Variants in LIG1 observed in about 807,000 individuals in gnomAD.
The protein encoded by LIG1 is DNA ligase 1, also known as ligase I, DNA, ATP-dependent.
LIG1 carries 70 observed loss-of-function variants against 115.7 expected under a neutral mutation model. That is an observed-to-expected ratio of 0.60 (90% CI 0.50 to 0.74). The LOEUF (loss-of-function observed/expected upper bound fraction) is 0.74. Among genes scored for constraint, LIG1 ranks in the 30% least tolerant of loss-of-function variants. The pLI, the probability that LIG1 is intolerant of heterozygous loss-of-function variation, is 0.00. For missense variants in LIG1, 1,115 were observed against 1,225.6 expected (o/e 0.91, Z 1.35); for synonymous variants, 487 against 495.3 (o/e 0.98, Z 0.22).
chr19:48,162,857 C>T (rs1057220945), intron 2 of LIG1, among the ~76,000 whole-genome samples: 2 of 152,102 alleles, frequency 1.3e-5, no homozygotes, highest in Admixed American at 6.6e-5. Flanking sequence ...TCTGCCCTAA[C>T]GCACCTGCAA....
intron 11 of LIG1, among the ~76,000 whole-genome samples, chr19:48,141,536 G>A (rs538736151): frequency 7.2e-5 from 11 of 152,290 alleles, no homozygotes; most frequent in African/African-American, 2.4e-4. Context: ...GAAAGAGTCC[G>A]TGGCTTGCCC....
At chr19:48,161,185 C>A in intron 4 of LIG1, 187 bp downstream of exon 4, 1 of 756,620 alleles carries the variant, frequency 1.3e-6, no homozygotes, top group Non-Finnish European at 2.2e-6. Context: ...TGAAGGAGCC[C>A]ACCCGAGGTC....
intron 5 of LIG1, chr19:48,154,549 C>T (rs1042062767): frequency 2.2e-5 from 4 of 182,866 alleles, no homozygotes; most frequent in Non-Finnish European, 4.7e-5. Flanking sequence ...GTGTTGGCTG[C>T]TCCCCTGTCC....
At chr19:48,147,927 AG>A (rs1458416858) in intron 9 of LIG1, among the ~76,000 whole-genome samples, 1 of 152,214 alleles carries the variant, frequency 6.6e-6, no homozygotes, top group Non-Finnish European at 1.5e-5. Context: ...AAGAAGACTA[AG>A]AAGGCTGGGA....
intron 21 of LIG1, among the ~76,000 whole-genome samples, chr19:48,124,457 G>A (rs895125795): frequency 6.6e-6 from 1 of 152,170 alleles, no homozygotes; most frequent in Non-Finnish European, 1.5e-5. Flanking sequence ...GATCAGCTGA[G>A]CCCGTGCTAC....
rs776988432 is a variant in LIG1 at position 48,165,544 on chromosome 19, G to A, written c.17+6C>T. 3.1e-6 allele frequency: 5 copies of A among 1,607,648 alleles called. No homozygotes were observed. In the African/African-American group the frequency reaches 6.7e-5, roughly 22 times the overall value. ...GAAAGACTCAGGGGCAAGGGAGGGT[G>A]CTCACATGATACTTCGCTGCATGTT... is the stretch of plus-strand genomic sequence containing the variant. On this transcript the variant is annotated splice_donor_region_variant and intron_variant, in intron 2 of 27. Coordinates refer to ENST00000263274, the MANE Select transcript of LIG1 (RefSeq NM_000234.3).
chr19:48,138,095 A>G (rs1347986723), intron 12 of LIG1, among the ~76,000 whole-genome samples: 1 of 152,140 alleles, frequency 6.6e-6, no homozygotes, highest in Non-Finnish European at 1.5e-5. Flanking sequence ...GCAGTGACCA[A>G]AGACCCTTCG....
chr19:48,123,822 G>A (rs1350894010), intron 21 of LIG1, among the ~76,000 whole-genome samples: 3 of 150,042 alleles, frequency 2.0e-5, no homozygotes, highest in African/African-American at 7.4e-5. Flanking sequence ...ACAGGCGTGA[G>A]CCACTGCATC....
chr19:48,121,969 A>G (rs1294314904), intron 23 of LIG1, among the ~76,000 whole-genome samples: 1 of 152,196 alleles, frequency 6.6e-6, no homozygotes, highest in Non-Finnish European at 1.5e-5. Context: ...AGAAACGTTC[A>G]CTAAGTGCTA....
chr19:48,147,681 A>G (rs77515952), intron 9 of LIG1, among the ~76,000 whole-genome samples: 1 of 108,918 alleles, frequency 9.2e-6, no homozygotes, highest in Non-Finnish European at 1.9e-5. Flanking sequence ...CAAAAAACCC[A>G]AAAAACCTAA....
chr19:48,158,736 C>T (rs1019203719), intron 4 of LIG1, among the ~76,000 whole-genome samples: 4 of 152,238 alleles, frequency 2.6e-5, no homozygotes, highest in Non-Finnish European at 4.4e-5. Flanking sequence ...ATTCACGGGG[C>T]TTGCCACGTG....
chr19:48,134,519 G>A (rs1302475114), intron 16 of LIG1, among the ~76,000 whole-genome samples: 4 of 152,184 alleles, frequency 2.6e-5, no homozygotes, highest in Non-Finnish European at 5.9e-5. Context: ...TTAGCTGGGG[G>A]TGGTGGCACG....
chr19:48,134,644 C>T (rs1217781783), intron 16 of LIG1, among the ~76,000 whole-genome samples: 1 of 152,216 alleles, frequency 6.6e-6, no homozygotes, highest in Non-Finnish European at 1.5e-5. Flanking sequence ...GATGACAGGG[C>T]GAGACTCCGT....
In LIG1 at chr19:48,157,156, A is replaced by T; in HGVS notation, c.244-16T>A. On this transcript the variant is annotated splice_polypyrimidine_tract_variant and intron_variant, in intron 4 of 27. Coordinates refer to ENST00000263274, the MANE Select transcript of LIG1 (RefSeq NM_000234.3). ...GGGCAGGCTTCTGGAAGAGGAAAGA[A>T]CAGTTCTAGAGTGAGCGGGGGAAGG... The T allele has an allele frequency of 6.2e-7, 1 of 1,607,840 alleles. No homozygotes were observed. The highest frequency in any genetic ancestry group is 1.1e-5 in the South Asian group (1 of 90,780).
intron 1 of LIG1, among the ~76,000 whole-genome samples, chr19:48,169,132 C>T (rs985110398): frequency 2.8e-5 from 4 of 144,704 alleles, no homozygotes; most frequent in African/African-American, 7.4e-5. Context: ...TATATGATTC[C>T]ATTTACATAA....
At chr19:48,145,040 T>C (rs1354175252) in intron 9 of LIG1, among the ~76,000 whole-genome samples, 1 of 152,176 alleles carries the variant, frequency 6.6e-6, no homozygotes, top group East Asian at 1.9e-4. Flanking sequence ...CTTGAGTAGC[T>C]AGGACTACAG....
At position 48,137,052 on chromosome 19, in the gene LIG1, G is replaced by C. The variant is rs2034438119; in HGVS notation, c.1287C>G (p.Gly429=). 1 of 1,612,520 alleles carries C rather than the reference G, an allele frequency of 6.2e-7. No homozygotes were observed. The highest frequency in any genetic ancestry group is 1.3e-5 in the African/African-American group (1 of 74,924). Residue 429 remains glycine (G), a synonymous_variant, in exon 14 of 28, where the codon GGC becomes GGG. Coordinates refer to ENST00000263274, the MANE Select transcript of LIG1 (RefSeq NM_000234.3). The surrounding 1 kb of genome is among the most constrained non-coding windows in gnomAD (Gnocchi z 4.3). The part of the protein sequence containing the change: ...STAKKIDIIK[G]LFVACRHSEA... ...CTGAGTGGCGGCAGGCCACAAAGAG[G>C]CCTTTGATGATGTCTATCTTCTTGG...
At chr19:48,168,150 G>A (rs150179342) in intron 1 of LIG1, among the ~76,000 whole-genome samples, 1 of 152,252 alleles carries the variant, frequency 6.6e-6, no homozygotes, top group East Asian at 1.9e-4. Flanking sequence ...ACCCCAGGTC[G>A]GCCTGCTCCA....
rs1177328045 is a variant in LIG1 at position 48,149,733 on chromosome 19, G to A, written c.776+30C>T. On this transcript the variant is annotated intron_variant, in intron 9 of 27. Transcript: ENST00000263274. Reference sequence around the variant, plus strand: ...TGCAGAGAAGGGAACACATCCCGAAGAACCTTTCCAGACCTGGACACTGAC... The same window carrying A: ...TGCAGAGAAGGGAACACATCCCGAAAAACCTTTCCAGACCTGGACACTGAC... The A allele has an allele frequency of 3.2e-6, 5 of 1,584,272 alleles. No homozygotes were observed. The Admixed American group carries it at 6.7e-5, about 21-fold the overall frequency.
Sources: gnomAD v4.1 joint callset for allele counts (sites outside exome capture counted in the v4.1 genomes callset) on GRCh38, gnomAD v4.1.1 for gene constraint, Gnocchi (gnomAD v3.1) non-coding constraint, MANE v1.5 for transcripts, NCBI Gene and HGNC (gene_info 2026-07-23, HGNC 2026-07-21) for gene names.